Variants in GTPBP2 observed in about 807,000 individuals in gnomAD.
GTPBP2 encodes GTP-binding protein 2.
In GTPBP2, 32 loss-of-function variants were observed where a neutral mutation model predicts 63.0. That is an observed-to-expected ratio of 0.51 (90% CI 0.38 to 0.68). GTPBP2 has a LOEUF of 0.68. Ranked by LOEUF, GTPBP2 falls within the 30% of genes least tolerant of loss-of-function variation. The pLI is 0.00. For synonymous variants in GTPBP2, 310 were observed against 322.6 expected (o/e 0.96, Z 0.42); for missense variants, 492 against 796.9 (o/e 0.62, Z 4.61).
At chr6:43,621,819 G>A (rs763206896) in intron 11 of GTPBP2, 29 bp from the exon 12 acceptor site, 3 of 1,613,958 alleles carry the variant, frequency 1.9e-6, no homozygotes. Context: ...CACTCCCCTG[G>A]CCAGTGCCTT....
In GTPBP2 at chr6:43,621,651, A is replaced by G; in HGVS notation, c.1772T>C (p.Ile591Thr). 6.2e-7 allele frequency: 1 copy of G among 1,614,170 alleles called. No homozygotes were observed. Among genetic ancestry groups the G allele is most frequent in the Non-Finnish European group, 8.5e-7 (1 of 1,180,022 alleles). ...GIGHVTDVQA[I>T]TAGEAQANMG... ...GTTGGCCTGGGCTTCTCCTGCTGTA[A>G]TGGCTTGTACATCAGTGACATGGCC... Residue 591 changes from isoleucine (I) to threonine (T), a missense_variant, in exon 12 of 12, where the codon ATT becomes ACT. Coordinates refer to ENST00000307126, the MANE Select transcript of GTPBP2 (RefSeq NM_019096.5).
chr6:43,627,279 C>T, intron 1 of GTPBP2: 1 of 1,114,124 alleles, frequency 9.0e-7, no homozygotes, highest in Non-Finnish European at 1.1e-6. Flanking sequence ...GGCCTCAAAC[C>T]TGCTTTTCCC....
intron 9 of GTPBP2, chr6:43,623,389 C>CA (rs1040120710): frequency 1.1e-4 from 29 of 258,570 alleles, no homozygotes; most frequent in East Asian, 1.9e-4. Flanking sequence ...GACTCTGTCT[C>CA]AAAAAAAAGA....
chr6:43,623,345 G>A (rs1561923103), intron 9 of GTPBP2: 1 of 197,158 alleles, frequency 5.1e-6, no homozygotes, highest in Non-Finnish European at 1.0e-5. Context: ...AGCCAAGATC[G>A]CTCCACTGCA....
Position 43,624,869 on chromosome 6 carries a change from C to T in GTPBP2, c.880+19G>A, listed in dbSNP as rs1389923767. The T allele has an allele frequency of 1.2e-6, 2 of 1,613,064 alleles. No individual in the cohort carries two copies. The highest frequency in any genetic ancestry group is 2.2e-5 in the South Asian group (2 of 91,030). On this transcript the variant is annotated intron_variant, in intron 6 of 11. Transcript: ENST00000307126. This position sits in a 1 kb window ranked among gnomAD's most constrained non-coding sequence, Gnocchi z 5.1. The stretch of plus-strand genomic sequence containing the variant: ...TCAGCACCCCCCTTCAGCCCTGTCC[C>T]TGCCCTAATGCCTCGTACCAATCCC...
At chr6:43,628,262 G>C (rs760593512) in intron 1 of GTPBP2, among the ~76,000 whole-genome samples, 2 of 152,266 alleles carry the variant, frequency 1.3e-5, no homozygotes, top group East Asian at 3.9e-4. Context: ...TACTCGGGAG[G>C]CTGCAGCAGA....
chr6:43,625,825 C>T lies in GTPBP2; in HGVS notation c.438G>A (p.Val146=), dbSNP rs756063795. Residue 146 remains valine, a synonymous_variant, in exon 4 of 12, where the codon GTG becomes GTA. Coordinates refer to ENST00000307126, the MANE Select transcript of GTPBP2 (RefSeq NM_019096.5). This position sits in a 1 kb window ranked among gnomAD's most constrained non-coding sequence, Gnocchi z 5.1. ...ADITVLRERE[V]DYDSDMPRKI... The stretch of plus-strand genomic sequence containing the variant: ...TCCGGGGCATGTCGCTATCATAATC[C>T]ACTTCTCGCTCTCGAAGAACGGTTA... 9.3e-6 allele frequency: 15 copies of T among 1,613,960 alleles called. No individual in the cohort carries two copies. In the South Asian group the frequency reaches 1.5e-4, roughly 17 times the overall value.
In GTPBP2 at chr6:43,624,645, G is replaced by A; in HGVS notation, c.965C>T (p.Ala322Val). 2 of 1,614,154 alleles carry A rather than the reference G, an allele frequency of 1.2e-6. No individual in the cohort carries two copies. The highest frequency in any genetic ancestry group is 2.2e-5 in the South Asian group (2 of 91,082). ...FIVVSKIDLC[A>V]KTTVERTVRQ... ...TACTGTCCTCTCCACTGTGGTCTTGGCACATAGGTCGATCTTGCTGACCAC... is the reference window on the plus strand; with the variant it reads ...TACTGTCCTCTCCACTGTGGTCTTGACACATAGGTCGATCTTGCTGACCAC... Residue 322 changes from alanine (A) to valine (V), a missense_variant, in exon 7 of 12, where the codon GCC becomes GTC. Physicochemically the swap from Ala to Val is moderately conservative, Grantham distance 64 (BLOSUM62 0). Coordinates refer to ENST00000307126, the MANE Select transcript of GTPBP2 (RefSeq NM_019096.5). This position sits in a 1 kb window ranked among gnomAD's most constrained non-coding sequence, Gnocchi z 5.1.
chr6:43,621,065 G>A lies in GTPBP2; in HGVS notation c.*549C>T. The A allele has an allele frequency of 3.7e-6, 1 of 270,484 alleles. No homozygotes were observed. The highest frequency in any genetic ancestry group is 9.1e-5 in the East Asian group (1 of 10,936). The allele number at this position is 270,484 out of a possible 1,614,324, so 16.8% of individuals were successfully genotyped here. A position where few individuals can be genotyped will look rare whatever the true frequency, so the allele number is the denominator to read the frequency against. On this transcript the variant is annotated 3_prime_UTR_variant, in exon 12 of 12. Coordinates refer to ENST00000307126, the MANE Select transcript of GTPBP2 (RefSeq NM_019096.5). ...AAGAGGCCTCAGGCCTCAGCACAGG[G>A]TGGCAACACTACCATTCACTGTCCC...
At chr6:43,630,627 C>A (rs754258778), upstream of GTPBP2, among the ~76,000 whole-genome samples, 4 of 152,020 alleles carry the variant, frequency 2.6e-5, no homozygotes, top group Non-Finnish European at 5.9e-5. Context: ...CCTGTAATCC[C>A]GGCTGCTCGC....
Position 43,625,128 on chromosome 6 carries a change from G to A in GTPBP2, c.706-66C>T. ...CTTCCAACCCCTTCAGAGTTGCCAG[G>A]ACCTAAACCATTCCCTGGGTGACCC... On this transcript the variant is annotated intron_variant, in intron 5 of 11. Coordinates refer to ENST00000307126, the MANE Select transcript of GTPBP2 (RefSeq NM_019096.5). The surrounding 1 kb of genome is among the most constrained non-coding windows in gnomAD (Gnocchi z 5.1). 1 of 1,468,540 alleles carries A rather than the reference G, an allele frequency of 6.8e-7. No homozygotes were observed. The highest frequency in any genetic ancestry group is 9.4e-7 in the Non-Finnish European group (1 of 1,065,532). The allele number at this position is 1,468,540 out of a possible 1,614,324, so 91.0% of individuals were successfully genotyped here.
intron 1 of GTPBP2, chr6:43,628,761 C>G (rs1055951041): frequency 1.3e-5 from 10 of 784,592 alleles, no homozygotes; most frequent in Admixed American, 5.2e-5. Flanking sequence ...TCCTCCCTCT[C>G]CACTCTTCCT....
rs1769073478 is a variant in GTPBP2 at position 43,624,082 on chromosome 6, C to T, written c.1101-14G>A. The T allele has an allele frequency of 1.2e-6, 2 of 1,605,608 alleles. No homozygotes were observed. The highest frequency in any genetic ancestry group is 1.7e-6 in the Non-Finnish European group (2 of 1,175,194). On this transcript the variant is annotated splice_polypyrimidine_tract_variant and intron_variant, in intron 7 of 11. Transcript: ENST00000307126. The surrounding 1 kb of genome is among the most constrained non-coding windows in gnomAD (Gnocchi z 5.1). ...ATGGGGGTGACACTGTAGAGGGAGG[C>T]ATGGAATGGACAGATGAAGACAGTC...
In GTPBP2 at chr6:43,628,967, A is replaced by C. The variant is rs746764005; in HGVS notation, c.186+10T>G. 17 of 1,612,396 alleles carry C rather than the reference A, an allele frequency of 1.1e-5. No homozygotes were observed. The Admixed American group carries it at 2.3e-4, about 22-fold the overall frequency. On this transcript the variant is annotated intron_variant, in intron 1 of 11. Transcript: ENST00000307126. ...GCTTCTTCCCGCCCTACCACTTCTCAGGTGCTCACCTCGGGGGGCAAATAC... is the reference window on the plus strand; with the variant it reads ...GCTTCTTCCCGCCCTACCACTTCTCCGGTGCTCACCTCGGGGGGCAAATAC...
In GTPBP2 at chr6:43,629,179, C is replaced by T. The variant is rs1769719414; in HGVS notation, c.-17G>A. On this transcript the variant is annotated 5_prime_UTR_variant, in exon 1 of 12. Transcript: ENST00000307126. ...CGAGTCCATCCGCCGCTGCCGCCAG[C>T]CCCCCGCCCGGCCCCTCCCCCGACC... The T allele has an allele frequency of 2.9e-6, 4 of 1,387,926 alleles. No homozygotes were observed. The highest frequency in any genetic ancestry group is 3.7e-6 in the Non-Finnish European group (4 of 1,079,266). 86.0% of individuals were successfully genotyped at this position (1,387,926 alleles called of 1,614,324 possible).
chr6:43,626,815 C>G lies in GTPBP2; in HGVS notation c.213+107G>C. 1 of 928,550 alleles carries G rather than the reference C, an allele frequency of 1.1e-6. No individual in the cohort carries two copies. The highest frequency in any genetic ancestry group is 1.6e-6 in the Non-Finnish European group (1 of 610,898). The allele number at this position is 928,550 out of a possible 1,614,324, so 57.5% of individuals were successfully genotyped here. On this transcript the variant is annotated intron_variant, in intron 2 of 11. Transcript: ENST00000307126. The surrounding 1 kb of genome is among the most constrained non-coding windows in gnomAD (Gnocchi z 4.0). ...TGCACTCCAGCCTAGGCAACAAGAG[C>G]AAAACTTCATCTCAAAAAAAAAAAA...
chr6:43,622,268 C>T lies in GTPBP2; in HGVS notation c.1468-101G>A. On this transcript the variant is annotated intron_variant, in intron 10 of 11. Transcript: ENST00000307126. The surrounding 1 kb of genome is among the most constrained non-coding windows in gnomAD (Gnocchi z 5.4). ...CTTTATAGCTCCTGAATTTCCTCTTCCTCTACACAACTCTAAACACAAAGA... is the reference window on the plus strand; with the variant it reads ...CTTTATAGCTCCTGAATTTCCTCTTTCTCTACACAACTCTAAACACAAAGA... 1 of 969,766 alleles carries T rather than the reference C, an allele frequency of 1.0e-6. No individual in the cohort carries two copies. Among genetic ancestry groups the T allele is most frequent in the Non-Finnish European group, 1.5e-6 (1 of 654,130 alleles). The allele number at this position is 969,766 out of a possible 1,614,324, so 60.1% of individuals were successfully genotyped here. A position where few individuals can be genotyped will look rare whatever the true frequency, so the allele number is the denominator to read the frequency against.
chr6:43,625,173 C>A lies in GTPBP2; in HGVS notation c.706-111G>T. ...TGACCCTGCCTCTTAATCTTGACCC[C>A]ATTTTTTATTTAATTTAGTTGATTC... On this transcript the variant is annotated intron_variant, in intron 5 of 11. Coordinates refer to ENST00000307126, the MANE Select transcript of GTPBP2 (RefSeq NM_019096.5). The surrounding 1 kb of genome is among the most constrained non-coding windows in gnomAD (Gnocchi z 5.1). The A allele has an allele frequency of 8.8e-7, 1 of 1,139,864 alleles. No homozygotes were observed. The highest frequency in any genetic ancestry group is 1.3e-6 in the Non-Finnish European group (1 of 789,114). The allele number at this position is 1,139,864 out of a possible 1,614,324, so 70.6% of individuals were successfully genotyped here.
Position 43,621,409 on chromosome 6 carries a change from A to T in GTPBP2, c.*205T>A, listed in dbSNP as rs540681954. 3 of 1,535,152 alleles carry T rather than the reference A, an allele frequency of 2.0e-6. No individual in the cohort carries two copies. In the South Asian group the frequency reaches 3.6e-5, roughly 18 times the overall value. ...ACACAGCTTCGGAGCACTGCCCTGA[A>T]TCCTGTCTTCTCCCTCAGGACTGCC... is the stretch of plus-strand genomic sequence containing the variant. On this transcript the variant is annotated 3_prime_UTR_variant, in exon 12 of 12. Transcript: ENST00000307126.
Sources: allele counts gnomAD v4.1 joint callset (sites outside exome capture counted in the v4.1 genomes callset), GRCh38; gene constraint gnomAD v4.1.1; non-coding constraint Gnocchi (gnomAD v3.1); transcripts MANE v1.5; gene names NCBI Gene and HGNC (gene_info 2026-07-23, HGNC 2026-07-21).